The following NACC2 variants were observed in gnomAD, a reference collection of about 807,000 sequenced individuals.
NACC2 encodes NACC family member 2, also known as nucleus accumbens-associated protein 2.
Under a neutral mutation model 25.1 loss-of-function variants are expected in NACC2, and 8 were observed. That is an observed-to-expected ratio of 0.32 (90% CI 0.19 to 0.57). The LOEUF (loss-of-function observed/expected upper bound fraction) is 0.57, where lower values mean the gene tolerates loss of function less well. Ranked by LOEUF, NACC2 falls within the 20% of genes least tolerant of loss-of-function variation. NACC2 has a pLI of 0.89. For synonymous variants in NACC2, 435 were observed against 294.7 expected (o/e 1.48, Z -4.88); for missense variants, 644 against 650.2 (o/e 0.99, Z 0.10).
intron 1 of NACC2, among the ~76,000 whole-genome samples, chr9:136,056,598 A>G (rs1024528620): frequency 3.9e-5 from 6 of 152,228 alleles, no homozygotes; most frequent in Non-Finnish European, 5.9e-5. Context: ...GGCAGAGAGG[A>G]GAGTTCCACC....
At chr9:136,053,120 G>C (rs1458941369) in intron 1 of NACC2, among the ~76,000 whole-genome samples, 1 of 152,250 alleles carries the variant, frequency 6.6e-6, no homozygotes, top group Non-Finnish European at 1.5e-5. Context: ...CCTGGCAGCA[G>C]GATGCGGAGG....
intron 1 of NACC2, among the ~76,000 whole-genome samples, chr9:136,094,148 AC>A (rs1321021075): frequency 1.3e-5 from 2 of 152,130 alleles, no homozygotes; most frequent in Admixed American, 1.3e-4. Context: ...ACAGGAAGGA[AC>A]GCGCAGCAGA....
intron 1 of NACC2, among the ~76,000 whole-genome samples, chr9:136,062,161 AC>A (rs1416406906): frequency 6.4e-4 from 96 of 150,964 alleles, no homozygotes; most frequent in African/African-American, 1.5e-3. Flanking sequence ...ACAGGACAGG[AC>A]AGGACAGGAC....
At chr9:136,065,140 G>A (rs1841065252) in intron 1 of NACC2, among the ~76,000 whole-genome samples, 2 of 152,150 alleles carry the variant, frequency 1.3e-5, no homozygotes, top group Non-Finnish European at 1.5e-5. Flanking sequence ...GTGGTCTTGG[G>A]TTAAACAATG....
At chr9:136,052,786 C>A (rs1840866283) in intron 1 of NACC2, among the ~76,000 whole-genome samples, 1 of 152,256 alleles carries the variant, frequency 6.6e-6, no homozygotes, top group South Asian at 2.1e-4. Flanking sequence ...TGCGGCCACA[C>A]AGGCTGCACC....
At chr9:136,089,649 G>T (rs1830415514) in intron 1 of NACC2, among the ~76,000 whole-genome samples, 1 of 151,712 alleles carries the variant, frequency 6.6e-6, no homozygotes, top group Admixed American at 6.6e-5. Flanking sequence ...GGAGGCCCTG[G>T]GTGACCCCTG....
At chr9:136,094,789 G>C (rs571426730) in intron 1 of NACC2, among the ~76,000 whole-genome samples, 314 of 152,014 alleles carry the variant, frequency 2.1e-3, no homozygotes, top group African/African-American at 7.4e-3. Flanking sequence ...TTCCCCACCC[G>C]GAGGGCTGGA....
At chr9:136,087,072 A>G (rs1338293279) in intron 1 of NACC2, among the ~76,000 whole-genome samples, 1 of 152,254 alleles carries the variant, frequency 6.6e-6, no homozygotes, top group Admixed American at 6.5e-5. Context: ...ACACAGATGC[A>G]CAGAAGGAAG....
intron 1 of NACC2, among the ~76,000 whole-genome samples, chr9:136,091,767 G>A (rs1392749191): frequency 6.6e-6 from 1 of 152,114 alleles, no homozygotes; most frequent in Non-Finnish European, 1.5e-5. Flanking sequence ...AGCCAGCCAG[G>A]AGGCATATTT....
intron 1 of NACC2, among the ~76,000 whole-genome samples, chr9:136,093,218 G>A (rs1836434577): frequency 2.0e-5 from 3 of 152,222 alleles, no homozygotes; most frequent in Admixed American, 1.3e-4. Flanking sequence ...CGGAGGCAGA[G>A]GCCAAGAGGA....
chr9:136,020,454 G>A lies in NACC2; in HGVS notation c.887-4025C>T, dbSNP rs145312777. Among the ~76,000 whole-genome samples, 3 of 152,306 alleles carry A rather than the reference G, an allele frequency of 2.0e-5. No individual in the cohort carries two copies. The highest frequency in any genetic ancestry group is 6.5e-5 in the Admixed American group (1 of 15,294). On this transcript the variant is annotated intron_variant, in intron 2 of 5. Coordinates refer to ENST00000277554, the MANE Select transcript of NACC2 (RefSeq NM_144653.5). The surrounding 1 kb of genome is among the most constrained non-coding windows in gnomAD (Gnocchi z 4.7). ...CCCAGGTGACACCATCAGAGACCACGCAGGCAGCCCCACCAGGGGAGTCTG... is the reference window on the plus strand; with the variant it reads ...CCCAGGTGACACCATCAGAGACCACACAGGCAGCCCCACCAGGGGAGTCTG...
chr9:136,024,438 T>C (rs1395393317), intron 2 of NACC2, among the ~76,000 whole-genome samples: 1 of 140,324 alleles, frequency 7.1e-6, no homozygotes, highest in African/African-American at 2.7e-5. Context: ...AGTGTGTGTG[T>C]GTGAGGACAG....
chr9:136,026,343 C>CAAAAAAAAAAAAAAAAAAAAAAAGAA (rs1840388921), intron 2 of NACC2, among the ~76,000 whole-genome samples: 1 of 45,546 alleles, frequency 2.2e-5, no homozygotes, highest in Non-Finnish European at 4.0e-5. Context: ...AACTCCATCT[C>CAAAAAAAAAAAAAAAAAAAAAAAGAA]AAAAAAAAAA....
In NACC2 at chr9:136,071,127, GGAGGTT is replaced by G. The variant is rs1357685089; in HGVS notation, c.-59-20553_-59-20548del. On this transcript the variant is annotated intron_variant, in intron 1 of 5. Transcript: ENST00000277554. The stretch of plus-strand genomic sequence containing the variant: ...TCATGCCTGTAATCCCAGCTACTCG[GGAGGTT>G]GAGGCAGGAGAATCGCTTGAACCTG... 2.1e-4 allele frequency among the ~76,000 whole-genome samples: 32 copies of G among 151,682 alleles called. 1 individual carries two copies. Among genetic ancestry groups the G allele is most frequent in the African/African-American group, 6.3e-4 (26 of 40,996 alleles).
intron 2 of NACC2, among the ~76,000 whole-genome samples, chr9:136,044,676 C>A (rs1840693283): frequency 6.6e-6 from 1 of 152,238 alleles, no homozygotes; most frequent in Non-Finnish European, 1.5e-5. Context: ...ACCCCAAGTT[C>A]AGCCCCTCTT....
intron 2 of NACC2, among the ~76,000 whole-genome samples, chr9:136,026,343 CAAAAAAAAAAA>C (rs34514433): frequency 2.2e-5 from 1 of 45,546 alleles, no homozygotes; most frequent in Non-Finnish European, 4.0e-5. Flanking sequence ...AACTCCATCT[CAAAAAAAAAAA>C]AAAAAAAAAA....
Position 136,011,446 on chromosome 9 carries a change from A to G in NACC2, c.*70T>C. Reference sequence around the variant, plus strand: ...TTCAGTAGGTAAGTGGCTTGATCACATTTGTTTGTATTAGTAACGCATGCA... The same window carrying G: ...TTCAGTAGGTAAGTGGCTTGATCACGTTTGTTTGTATTAGTAACGCATGCA... On this transcript the variant is annotated 3_prime_UTR_variant, in exon 6 of 6. Coordinates refer to ENST00000277554, the MANE Select transcript of NACC2 (RefSeq NM_144653.5). 7.7e-7 allele frequency: 1 copy of G among 1,291,340 alleles called. No homozygotes were observed. The highest frequency in any genetic ancestry group is 3.1e-5 in the Admixed American group (1 of 32,458). 80.0% of individuals were successfully genotyped at this position (1,291,340 alleles called of 1,614,324 possible).
At chr9:136,071,723 G>A (rs1282823632) in intron 1 of NACC2, among the ~76,000 whole-genome samples, 1 of 152,086 alleles carries the variant, frequency 6.6e-6, no homozygotes, top group African/African-American at 2.4e-5. Context: ...TAGTGATCAA[G>A]ACTGTGTGGT....
intron 1 of NACC2, among the ~76,000 whole-genome samples, chr9:136,073,767 C>A (rs1444190670): frequency 6.6e-6 from 1 of 152,160 alleles, no homozygotes; most frequent in African/African-American, 2.4e-5. Flanking sequence ...TGGGTCTATT[C>A]CTAATTGTTT....
Sources: gnomAD v4.1 joint callset for allele counts (sites outside exome capture counted in the v4.1 genomes callset) on GRCh38, gnomAD v4.1.1 for gene constraint, Gnocchi (gnomAD v3.1) non-coding constraint, MANE v1.5 for transcripts, NCBI Gene and HGNC (gene_info 2026-07-23, HGNC 2026-07-21) for gene names.